TASP1: variants seen among roughly 807,000 people sequenced by gnomAD.
The protein encoded by TASP1 is threonine aspartase 1.
A neutral mutation model predicts 56.6 loss-of-function variants in TASP1; 16 were observed. The ratio of observed to expected loss-of-function variants is 0.28; its 90% CI spans 0.19 to 0.43. The LOEUF (loss-of-function observed/expected upper bound fraction) is 0.43. Among genes scored for constraint, TASP1 ranks in the 20% least tolerant of loss-of-function variants. The pLI is 1.00. For missense variants in TASP1, 393 were observed against 511.6 expected (o/e 0.77, Z 2.24); for synonymous variants, 179 against 184.2 (o/e 0.97, Z 0.23).
the TASP1 span, among the ~76,000 whole-genome samples, chr20:13,214,515 A>G: frequency 2.4e-5 from 3 of 124,564 alleles, no homozygotes; most frequent in Non-Finnish European, 4.9e-5. Context: ...CAATACAGAG[A>G]CAGGCACACA....
chr20:13,597,339 C>A (rs576561753), intron 4 of TASP1, among the ~76,000 whole-genome samples: 14 of 152,340 alleles, frequency 9.2e-5, no homozygotes, highest in Admixed American at 7.2e-4. Flanking sequence ...CCATCACAAT[C>A]AAGTTGGCTT....
At chr20:13,621,598 A>C (rs1283627795) in intron 4 of TASP1, among the ~76,000 whole-genome samples, 1 of 152,194 alleles carries the variant, frequency 6.6e-6, no homozygotes, top group Non-Finnish European at 1.5e-5. Flanking sequence ...TTCTTAAAAA[A>C]ACACAAGTTA....
chr20:13,602,159 G>A (rs527995319), intron 4 of TASP1, among the ~76,000 whole-genome samples: 84 of 151,346 alleles, frequency 5.6e-4, no homozygotes, highest in Non-Finnish European at 7.7e-4. Flanking sequence ...GATTACAGGC[G>A]TGAGCCACCG....
chr20:13,162,827 C>A, the TASP1 span, among the ~76,000 whole-genome samples: 1 of 152,132 alleles, frequency 6.6e-6, no homozygotes, highest in South Asian at 2.1e-4. Context: ...ATCTCAGGCA[C>A]AAGCTCAAAT....
the TASP1 span, among the ~76,000 whole-genome samples, chr20:13,351,847 T>C: frequency 1.3e-5 from 2 of 152,230 alleles, no homozygotes; most frequent in African/African-American, 4.8e-5. Context: ...TAATAGAACA[T>C]TTGATGATGG....
chr20:13,293,167 T>G, the TASP1 span, among the ~76,000 whole-genome samples: 2 of 141,338 alleles, frequency 1.4e-5, no homozygotes, highest in African/African-American at 5.4e-5. Flanking sequence ...GCCACTGCAC[T>G]CCAGCACTCC....
chr20:13,294,083 C>T, the TASP1 span, among the ~76,000 whole-genome samples: 9 of 152,108 alleles, frequency 5.9e-5, 1 homozygote, highest in South Asian at 1.5e-3. Context: ...TCCAAAGGGT[C>T]GGCCATGATG....
chr20:13,549,883 C>T (rs932833993), intron 8 of TASP1, among the ~76,000 whole-genome samples: 3 of 151,956 alleles, frequency 2.0e-5, no homozygotes, highest in Non-Finnish European at 4.4e-5. Flanking sequence ...TTTACAAGGC[C>T]GACAATATCT....
At chr20:13,283,453 A>G in the TASP1 span, among the ~76,000 whole-genome samples, 1 of 152,170 alleles carries the variant, frequency 6.6e-6, no homozygotes, top group African/African-American at 2.4e-5. Context: ...AAGAATTTAT[A>G]TATTTGTCCG....
chr20:13,589,590 A>G (rs2047445617), intron 4 of TASP1, among the ~76,000 whole-genome samples: 1 of 152,212 alleles, frequency 6.6e-6, no homozygotes, highest in South Asian at 2.1e-4. Context: ...ACAACCAAAG[A>G]AAAAACTAGG....
intron 5 of TASP1, among the ~76,000 whole-genome samples, chr20:13,582,267 T>C (rs1601332682): frequency 6.6e-6 from 1 of 152,094 alleles, no homozygotes; most frequent in Admixed American, 6.5e-5. Flanking sequence ...CTCCAACTTA[T>C]AAATCCAATT....
chr20:13,348,013 G>T, the TASP1 span, among the ~76,000 whole-genome samples: 1 of 152,092 alleles, frequency 6.6e-6, no homozygotes, highest in East Asian at 1.9e-4. Flanking sequence ...TGCGCCCCCA[G>T]GAGACATTTG....
Position 13,392,572 on chromosome 20 carries a change from C to A in TASP1, c.1171-2120G>T, listed in dbSNP as rs925762726. Reference sequence around the variant, plus strand: ...TGAGTGGGTAAATGACTGAAATAGACCATTCTAGGGCTATGTTTATGTAAA... The same window carrying A: ...TGAGTGGGTAAATGACTGAAATAGAACATTCTAGGGCTATGTTTATGTAAA... On this transcript the variant is annotated intron_variant, in intron 13 of 13. Transcript: ENST00000337743. 7 of 299,368 alleles carry A rather than the reference C, an allele frequency of 2.3e-5. No homozygotes were observed. The Admixed American group carries it at 2.6e-4, about 11-fold the overall frequency. The allele number at this position is 299,368 out of a possible 1,614,324, so 18.5% of individuals were successfully genotyped here.
At chr20:13,543,322 C>T (rs568329827) in intron 8 of TASP1, among the ~76,000 whole-genome samples, 11 of 152,132 alleles carry the variant, frequency 7.2e-5, no homozygotes, top group East Asian at 5.8e-4. Flanking sequence ...TTCTTGGCCA[C>T]GCACAGTGGC....
chr20:13,256,849 G>A, the TASP1 span, among the ~76,000 whole-genome samples: 3 of 152,160 alleles, frequency 2.0e-5, no homozygotes, highest in East Asian at 1.9e-4. Flanking sequence ...AAAGCCAATC[G>A]GTAGAAGTGA....
At chr20:13,342,866 T>G in the TASP1 span, among the ~76,000 whole-genome samples, 169 of 152,124 alleles carry the variant, frequency 1.1e-3, 1 homozygote, top group African/African-American at 4.0e-3. Flanking sequence ...CTTATCCAGC[T>G]CCGGTCACTT....
chr20:13,503,526 C>T (rs931660131), intron 10 of TASP1, among the ~76,000 whole-genome samples: 1 of 152,142 alleles, frequency 6.6e-6, no homozygotes, highest in African/African-American at 2.4e-5. Context: ...ATTGCTTCAA[C>T]TGCAAAGCCA....
chr20:13,594,378 G>A, intron 4 of TASP1, among the ~76,000 whole-genome samples: 1 of 152,232 alleles, frequency 6.6e-6, no homozygotes, highest in Non-Finnish European at 1.5e-5. Flanking sequence ...GAATGACTTT[G>A]AGGAGATGAC....
chr20:13,325,838 A>G, the TASP1 span, among the ~76,000 whole-genome samples: 6 of 152,198 alleles, frequency 3.9e-5, no homozygotes, highest in African/African-American at 1.4e-4. Flanking sequence ...TTTAAAAGAA[A>G]ACATTGTTCT....
Sources: gnomAD v4.1 joint callset for allele counts (sites outside exome capture counted in the v4.1 genomes callset) on GRCh38, gnomAD v4.1.1 for gene constraint, MANE v1.5 for transcripts, NCBI Gene and HGNC (gene_info 2026-07-23, HGNC 2026-07-21) for gene names.